Variants in CDH11 observed in about 807,000 individuals in gnomAD.
CDH11 encodes cadherin 11, also known as cadherin-11.
CDH11 carries 11 observed loss-of-function variants against 67.8 expected under a neutral mutation model. The observed-to-expected ratio is 0.16, with a 90% confidence interval of 0.10 to 0.27. CDH11 has a LOEUF of 0.27. CDH11 is among the 10% of genes least tolerant of loss of function. The pLI is 1.00. For synonymous variants in CDH11, 419 were observed against 400.0 expected, an observed-to-expected ratio of 1.05 and a Z score of -0.57; for missense variants, 847 against 1,031.2, an observed-to-expected ratio of 0.82 and a Z score of 2.45.
At chr16:64,980,584 T>C (rs771386428) in intron 8 of CDH11, among the ~76,000 whole-genome samples, 6 of 152,078 alleles carry the variant, frequency 3.9e-5, no homozygotes, top group Non-Finnish European at 8.8e-5. Flanking sequence ...AGTCCAGGGA[T>C]TAGGAGACAG....
chr16:64,972,802 C>A (rs2072044557), intron 9 of CDH11, 102 bp downstream of exon 9: 3 of 1,254,002 alleles, frequency 2.4e-6, no homozygotes, highest in Non-Finnish European at 2.2e-6. Flanking sequence ...TGTTTAAGAC[C>A]AAAAAAGTTA....
At chr16:65,074,364 A>G (rs561275083) in intron 1 of CDH11, among the ~76,000 whole-genome samples, 11 of 152,242 alleles carry the variant, frequency 7.2e-5, no homozygotes, top group African/African-American at 2.6e-4. Context: ...GGATTTAAAA[A>G]ACTCAGGGTT....
At chr16:65,111,842 C>A (rs139919870) in intron 1 of CDH11, among the ~76,000 whole-genome samples, 3 of 151,910 alleles carry the variant, frequency 2.0e-5, no homozygotes. Flanking sequence ...GAGGCCAAGG[C>A]GGGTGGATCA....
chr16:65,087,599 C>G (rs1168947082), intron 1 of CDH11, among the ~76,000 whole-genome samples: 2 of 152,036 alleles, frequency 1.3e-5, no homozygotes, highest in Non-Finnish European at 2.9e-5. Context: ...TTATGTAAAT[C>G]AACTGCATTA....
At chr16:65,055,865 A>G (rs997491462) in intron 1 of CDH11, among the ~76,000 whole-genome samples, 1 of 152,220 alleles carries the variant, frequency 6.6e-6, no homozygotes, top group African/African-American at 2.4e-5. Context: ...GATAGTATTC[A>G]GAGGTGGGGC....
rs2072534928 is a variant in CDH11, at chr16:64,988,210, A to G, written c.946T>C (p.Phe316Leu). The G allele has an allele frequency of 6.2e-7, 1 of 1,613,214 alleles. No individual in the cohort carries two copies. Among genetic ancestry groups the G allele is most frequent in the African/African-American group, 1.3e-5 (1 of 74,948 alleles). Residue 316 changes from phenylalanine (F) to leucine (L), a missense_variant, in exon 7 of 13, where the codon TTT (phenylalanine) becomes CTT (leucine). Phe to Leu is a conservative substitution (Grantham distance 22, BLOSUM62 0). This residue lies in a region of CDH11 where 612 missense variants were observed against 678.7 expected (regional missense o/e 0.90). Coordinates refer to ENST00000268603, the MANE Select transcript of CDH11 (RefSeq NM_001797.4). ...GTTTCATAGTCCGTTGTGATTTCAA[A>G]CGATTCCATACCATCTCCATCAACA... ...NIVDGDGMES[F>L]EITTDYETQE... is the part of the protein sequence containing the mutation.
At chr16:65,030,830 T>A (rs2073628403) in intron 2 of CDH11, among the ~76,000 whole-genome samples, 1 of 152,172 alleles carries the variant, frequency 6.6e-6, no homozygotes, top group South Asian at 2.1e-4. Context: ...CCCAAAATGC[T>A]GGAATTAGAG....
At chr16:65,022,937 G>T (rs959979043) in intron 2 of CDH11, among the ~76,000 whole-genome samples, 1 of 152,108 alleles carries the variant, frequency 6.6e-6, no homozygotes, top group African/African-American at 2.4e-5. Context: ...CACAACAGAG[G>T]ACCTCATACA....
At position 65,048,148 on chromosome 16, in the gene CDH11, G is replaced by A. The variant is rs1597132655; in HGVS notation, c.-173+5656C>T. Among the ~76,000 whole-genome samples, 4 of 152,290 alleles carry A rather than the reference G, an allele frequency of 2.6e-5. 1 individual carries two copies. The East Asian group carries it at 7.7e-4, about 29-fold the overall frequency. ...TGACTGATGAGTAAACACATCCAGAGTCTTTTCTCCTCTTGCCATTTTTGC... is the reference window on the plus strand; with the variant it reads ...TGACTGATGAGTAAACACATCCAGAATCTTTTCTCCTCTTGCCATTTTTGC... On this transcript the variant is annotated intron_variant, in intron 2 of 12. Coordinates refer to ENST00000268603, the MANE Select transcript of CDH11 (RefSeq NM_001797.4).
At chr16:65,025,025 C>T (rs1301916187) in intron 2 of CDH11, among the ~76,000 whole-genome samples, 1 of 152,240 alleles carries the variant, frequency 6.6e-6, no homozygotes, top group Non-Finnish European at 1.5e-5. Context: ...CTCCCTGTCT[C>T]AGTCCAGCAG....
intron 2 of CDH11, among the ~76,000 whole-genome samples, chr16:65,050,100 T>C (rs1215910463): frequency 1.3e-5 from 2 of 152,172 alleles, no homozygotes; most frequent in Non-Finnish European, 2.9e-5. Context: ...TGTACACTTC[T>C]CTTGAGCAAA....
intron 1 of CDH11, among the ~76,000 whole-genome samples, chr16:65,063,206 G>T (rs908837245): frequency 1.3e-5 from 2 of 152,160 alleles, no homozygotes; most frequent in Admixed American, 6.5e-5. Flanking sequence ...TGCTTTAGAT[G>T]TAAATGTGAC....
intron 2 of CDH11, among the ~76,000 whole-genome samples, chr16:65,011,285 G>T (rs1262544831): frequency 6.6e-6 from 1 of 151,796 alleles, no homozygotes; most frequent in Non-Finnish European, 1.5e-5. Context: ...TATTTTAACT[G>T]GCTATCAATG....
chr16:65,064,557 A>G (rs930877995), intron 1 of CDH11, among the ~76,000 whole-genome samples: 1 of 152,204 alleles, frequency 6.6e-6, no homozygotes, highest in African/African-American at 2.4e-5. Context: ...ATGGAGACAT[A>G]CCTTTTCAAT....
Position 65,004,903 on chromosome 16 carries a change from C to A in CDH11, c.-34G>T. Reference sequence around the variant, plus strand: ...ACGTGGTAGGCACAGGAGAATGCAGCTGTCACCCCTTCCACCAACTGTACG... The same window carrying A: ...ACGTGGTAGGCACAGGAGAATGCAGATGTCACCCCTTCCACCAACTGTACG... On this transcript the variant is annotated 5_prime_UTR_variant, in exon 3 of 13. Coordinates refer to ENST00000268603, the MANE Select transcript of CDH11 (RefSeq NM_001797.4). 6.8e-7 allele frequency: 1 copy of A among 1,475,044 alleles called. No individual in the cohort carries two copies. The highest frequency in any genetic ancestry group is 1.4e-5 in the South Asian group (1 of 72,626). The allele number at this position is 1,475,044 out of a possible 1,614,324, so 91.4% of individuals were successfully genotyped here.
intron 11 of CDH11, among the ~76,000 whole-genome samples, chr16:64,951,898 T>C (rs552774959): frequency 7.2e-5 from 11 of 152,234 alleles, no homozygotes; most frequent in Admixed American, 2.6e-4. Context: ...TCACTCCTCC[T>C]GCTTAGAATG....
chr16:65,024,251 A>G (rs1373069076), intron 2 of CDH11, among the ~76,000 whole-genome samples: 1 of 152,316 alleles, frequency 6.6e-6, no homozygotes, highest in Non-Finnish European at 1.5e-5. Context: ...TCCTCACTGA[A>G]TTCCTTGTCA....
intron 2 of CDH11, among the ~76,000 whole-genome samples, chr16:65,053,020 T>C (rs757672895): frequency 6.6e-5 from 10 of 152,152 alleles, no homozygotes; most frequent in Non-Finnish European, 1.0e-4. Context: ...GGATTTGACG[T>C]ACATATTTAA....
At chr16:64,977,657 G>A (rs2072211398) in intron 8 of CDH11, among the ~76,000 whole-genome samples, 1 of 152,144 alleles carries the variant, frequency 6.6e-6, no homozygotes, top group African/African-American at 2.4e-5. Flanking sequence ...TGGCTGCTGG[G>A]TTAAAGTAAA....
Sources: allele counts gnomAD v4.1 joint callset (sites outside exome capture counted in the v4.1 genomes callset), GRCh38; gene constraint gnomAD v4.1.1; regional missense constraint gnomAD v4.1.1; transcripts MANE v1.5; gene names NCBI Gene and HGNC (gene_info 2026-07-23, HGNC 2026-07-21).